Variants in HDAC9 observed in about 807,000 individuals in gnomAD.
HDAC9 encodes the protein MEF-2 interacting transcription repressor (MITR) protein.
HDAC9 carries 41 observed loss-of-function variants against 139.4 expected under a neutral mutation model. The ratio of observed to expected loss-of-function variants is 0.29; its 90% CI spans 0.23 to 0.38. HDAC9 has a LOEUF of 0.38. Among genes scored for constraint, HDAC9 ranks in the 10% least tolerant of loss-of-function variants. The pLI is 1.00. For synonymous variants in HDAC9, 517 were observed against 476.2 expected (o/e 1.09, Z -1.12); for missense variants, 1,147 against 1,297.0 (o/e 0.88, Z 1.78).
At chr7:18,192,672 C>T (rs759820584) in intron 2 of HDAC9, among the ~76,000 whole-genome samples, 2 of 152,120 alleles carry the variant, frequency 1.3e-5, no homozygotes, top group Non-Finnish European at 2.9e-5. Context: ...TCTTTTAATG[C>T]ACTGTGAAGA....
At chr7:18,739,752 A>C (rs192332598) in intron 13 of HDAC9, among the ~76,000 whole-genome samples, 1 of 152,342 alleles carries the variant, frequency 6.6e-6, no homozygotes, top group Admixed American at 6.5e-5. Flanking sequence ...CAGTCTGTCC[A>C]TTCTCAGAGC....
intron 1 of HDAC9, among the ~76,000 whole-genome samples, chr7:18,376,339 CCAGGA>C (rs1473386403): frequency 6.6e-6 from 1 of 152,116 alleles, no homozygotes; most frequent in Non-Finnish European, 1.5e-5. Context: ...AGTTCTATTT[CCAGGA>C]CATAAATATT....
intron 22 of HDAC9, among the ~76,000 whole-genome samples, chr7:18,894,902 G>GT (rs1481317796): frequency 3.9e-5 from 6 of 152,120 alleles, no homozygotes; most frequent in Non-Finnish European, 4.4e-5. Context: ...AAAAAGCAGA[G>GT]TATGTGGGTC....
chr7:18,816,262 A>T (rs1794555450), intron 17 of HDAC9, among the ~76,000 whole-genome samples: 1 of 152,216 alleles, frequency 6.6e-6, no homozygotes, highest in Non-Finnish European at 1.5e-5. Flanking sequence ...CTTAATTCCA[A>T]TAAATTGAAG....
Position 18,732,902 on chromosome 7 carries a change from C to T in HDAC9, c.1909+5145C>T, listed in dbSNP as rs200361458. On this transcript the variant is annotated intron_variant, in intron 13 of 25. Coordinates refer to ENST00000686413, the MANE Select transcript of HDAC9 (RefSeq NM_178425.4). ...ACGTGTGCGTATGTGTACACACACA[C>T]GTGTGCGTATGTGTATACACACGTG... Among the ~76,000 whole-genome samples, 23 of 61,206 alleles carry T rather than the reference C, an allele frequency of 3.8e-4. 3 individuals are homozygous for T. Among genetic ancestry groups the T allele is most frequent in the East Asian group, 3.5e-3 (4 of 1,136 alleles). 40.2% of individuals were successfully genotyped at this position (61,206 alleles called of 152,430 possible).
chr7:18,835,285 T>C (rs770728896), intron 19 of HDAC9, among the ~76,000 whole-genome samples, 182 bp from the exon 20 acceptor site: 4 of 152,084 alleles, frequency 2.6e-5, no homozygotes, highest in Non-Finnish European at 5.9e-5. Flanking sequence ...GCCTGAAAGT[T>C]CAGGAAGTAA....
chr7:18,487,417 G>GA (rs1796051982), intron 1 of HDAC9, among the ~76,000 whole-genome samples: 1 of 152,026 alleles, frequency 6.6e-6, no homozygotes. Flanking sequence ...GTTTGCAAAA[G>GA]AAAGTTAGGG....
intron 21 of HDAC9, among the ~76,000 whole-genome samples, chr7:18,854,716 TAATCA>T (rs1216938207): frequency 6.6e-6 from 1 of 151,610 alleles, no homozygotes; most frequent in Non-Finnish European, 1.5e-5. Context: ...GAAGAGTAAA[TAATCA>T]AATTGGGGTA....
At chr7:18,431,015 T>TTGTCCTGTCCTGTCC (rs10587067) in intron 1 of HDAC9, among the ~76,000 whole-genome samples, 12 of 148,194 alleles carry the variant, frequency 8.1e-5, no homozygotes, top group African/African-American at 2.5e-4. Flanking sequence ...TTATCCTATC[T>TTGTCCTGTCCTGTCC]TGTCCTGTCC....
At position 18,823,976 on chromosome 7, in the gene HDAC9, AAAG is replaced by A. The variant is rs57608252; in HGVS notation, c.2323-5166_2323-5164del. 2.5e-3 allele frequency among the ~76,000 whole-genome samples: 369 copies of A among 148,572 alleles called. 2 individuals carry two copies. The highest frequency in any genetic ancestry group is 3.9e-3 in the Non-Finnish European group (261 of 67,078). On this transcript the variant is annotated intron_variant, in intron 17 of 25. Coordinates refer to ENST00000686413, the MANE Select transcript of HDAC9 (RefSeq NM_178425.4). ...CTGGGTGACAGGGCAAGACCCTGTG[AAAG>A]AAGAAGAAGAAGAAGAAGGAGAAGG...
chr7:18,949,661 T>G (rs1476010754), intron 23 of HDAC9: 1 of 156,088 alleles, frequency 6.4e-6, no homozygotes, highest in East Asian at 1.8e-4. Context: ...TTCATCATCA[T>G]CCACATTAAA....
intron 2 of HDAC9, among the ~76,000 whole-genome samples, chr7:18,212,361 A>T (rs1290383425): frequency 1.3e-5 from 2 of 152,212 alleles, no homozygotes; most frequent in African/African-American, 2.4e-5. Flanking sequence ...ACAATAAAAT[A>T]CATTTTTAAA....
intron 11 of HDAC9, among the ~76,000 whole-genome samples, chr7:18,650,895 C>T (rs976865590): frequency 1.3e-5 from 2 of 152,206 alleles, no homozygotes; most frequent in African/African-American, 4.8e-5. Context: ...GGCTTTTCTC[C>T]AAGGATGTAT....
chr7:18,321,959 A>G (rs1296794194), intron 1 of HDAC9, among the ~76,000 whole-genome samples: 5 of 152,166 alleles, frequency 3.3e-5, no homozygotes, highest in African/African-American at 7.2e-5. Context: ...AACATTTCAA[A>G]CTAGTTAAAT....
At chr7:18,402,198 A>G (rs960261305) in intron 1 of HDAC9, among the ~76,000 whole-genome samples, 1 of 152,232 alleles carries the variant, frequency 6.6e-6, no homozygotes, top group Non-Finnish European at 1.5e-5. Context: ...AGGATCTTGT[A>G]GTCTAACCAG....
chr7:18,726,005 G>A (rs981539978), intron 12 of HDAC9, among the ~76,000 whole-genome samples: 1 of 152,174 alleles, frequency 6.6e-6, no homozygotes, highest in Non-Finnish European at 1.5e-5. Context: ...GAGCAAAACA[G>A]AAGTAACAAC....
intron 12 of HDAC9, among the ~76,000 whole-genome samples, chr7:18,681,366 A>T (rs1781877703): frequency 6.6e-6 from 1 of 152,078 alleles, no homozygotes; most frequent in African/African-American, 2.4e-5. Flanking sequence ...TTTTAAAGTT[A>T]AAGTACTTTT....
intron 1 of HDAC9, among the ~76,000 whole-genome samples, chr7:18,131,770 G>A (rs1013694037): frequency 1.3e-5 from 2 of 152,046 alleles, no homozygotes; most frequent in South Asian, 4.2e-4. Context: ...GGTTTTAGAC[G>A]CACACTCCCT....
At chr7:18,488,495 G>A (rs1796133822) in intron 1 of HDAC9, among the ~76,000 whole-genome samples, 3 of 151,954 alleles carry the variant, frequency 2.0e-5, no homozygotes. Context: ...ATAAGTTTCT[G>A]TAGTGACCTT....
Sources: allele counts gnomAD v4.1 joint callset (sites outside exome capture counted in the v4.1 genomes callset), GRCh38; gene constraint gnomAD v4.1.1; transcripts MANE v1.5; gene names NCBI Gene and HGNC (gene_info 2026-07-23, HGNC 2026-07-21).